The following PPA2 variants were observed in gnomAD, a reference collection of about 807,000 sequenced individuals.
The protein encoded by PPA2 is inorganic pyrophosphatase 2.
PPA2 carries 48 observed loss-of-function variants against 49.5 expected under a neutral mutation model. That is an observed-to-expected ratio of 0.97 (90% CI 0.77 to 1.23). The LOEUF is 1.23. Ranked by LOEUF, PPA2 falls within the 50% of genes most tolerant of loss-of-function variation. The pLI, the probability that PPA2 is intolerant of heterozygous loss-of-function variation, is 0.00. For synonymous variants in PPA2, 131 were observed against 139.9 expected (o/e 0.94, Z 0.45); for missense variants, 429 against 410.1 (o/e 1.05, Z -0.40).
intron 7 of PPA2, among the ~76,000 whole-genome samples, chr4:105,420,034 G>A (rs887933535): frequency 6.6e-6 from 1 of 151,578 alleles, no homozygotes; most frequent in Non-Finnish European, 1.5e-5. Flanking sequence ...GTGCAATGGC[G>A]TGTTCTTGGC....
Position 105,369,355 on chromosome 4 carries a change from G to GGCATGCAC in PPA2, c.*369_*370insGTGCATGC, listed in dbSNP as rs1732929442. On this transcript the variant is annotated 3_prime_UTR_variant, in exon 12 of 12. Coordinates refer to ENST00000341695, the MANE Select transcript of PPA2 (RefSeq NM_176869.3). ...TTCTTCTGCCTCAGCCTCCTGAGTA[G>GGCATGCAC]CTGGGTCTACAGGCATGCACCACCA... The GGCATGCAC allele has an allele frequency of 6.1e-6, 1 of 163,574 alleles. No individual in the cohort carries two copies. The allele number at this position is 163,574 out of a possible 1,614,324, so 10.1% of individuals were successfully genotyped here.
At chr4:105,408,296 A>C (rs1722580388) in intron 7 of PPA2, among the ~76,000 whole-genome samples, 1 of 152,354 alleles carries the variant, frequency 6.6e-6, no homozygotes, top group South Asian at 2.1e-4. Context: ...TGAAAAGCTC[A>C]GTGTGTTAAG....
intron 1 of PPA2, among the ~76,000 whole-genome samples, chr4:105,457,853 C>T (rs1016069914): frequency 2.6e-5 from 4 of 152,180 alleles, no homozygotes; most frequent in Non-Finnish European, 5.9e-5. Context: ...GTGTGAGCCA[C>T]TGCACCTGGC....
intron 6 of PPA2, among the ~76,000 whole-genome samples, chr4:105,430,495 C>T (rs914368350): frequency 1.3e-5 from 2 of 152,130 alleles, no homozygotes; most frequent in African/African-American, 4.8e-5. Flanking sequence ...GACTTAGACA[C>T]CCCAGGGCCG....
intron 1 of PPA2, among the ~76,000 whole-genome samples, chr4:105,466,785 G>C (rs907000940): frequency 2.0e-5 from 3 of 152,080 alleles, no homozygotes; most frequent in African/African-American, 7.2e-5. Flanking sequence ...TCTTCCCTTG[G>C]GGCAGGCTGT....
At chr4:105,429,110 T>G (rs1175944206) in intron 6 of PPA2, among the ~76,000 whole-genome samples, 1 of 152,216 alleles carries the variant, frequency 6.6e-6, no homozygotes, top group African/African-American at 2.4e-5. Context: ...TCATTTTTCT[T>G]CTTCCATCTA....
chr4:105,401,103 TAA>T (rs1351037616), intron 7 of PPA2, among the ~76,000 whole-genome samples: 1 of 152,158 alleles, frequency 6.6e-6, no homozygotes, highest in Admixed American at 6.5e-5. Context: ...TCTGAAATTA[TAA>T]AAAGTTCCAG....
At chr4:105,405,059 G>A (rs1722397690) in intron 7 of PPA2, 1 of 333,786 alleles carries the variant, frequency 3.0e-6, no homozygotes, top group African/African-American at 2.2e-5. Context: ...CTCCAGCCTG[G>A]GCGACAGAGT....
intron 10 of PPA2, among the ~76,000 whole-genome samples, chr4:105,386,128 A>T (rs2636725): frequency 6.6e-6 from 1 of 151,794 alleles, no homozygotes; most frequent in African/African-American, 2.4e-5. Flanking sequence ...TAATTCACTC[A>T]CCTTGGCCTC....
At chr4:105,416,132 T>C (rs1167467125) in intron 7 of PPA2, among the ~76,000 whole-genome samples, 3 of 152,238 alleles carry the variant, frequency 2.0e-5, no homozygotes, top group African/African-American at 7.2e-5. Context: ...TTTATCAAAC[T>C]ATATAAATTC....
chr4:105,381,834 G>A (rs549574433), intron 10 of PPA2, among the ~76,000 whole-genome samples: 3 of 151,942 alleles, frequency 2.0e-5, no homozygotes, highest in Admixed American at 6.5e-5. Flanking sequence ...AGTTGATCCT[G>A]TCATTATTTG....
chr4:105,407,521 A>AT (rs1722538842), intron 7 of PPA2, among the ~76,000 whole-genome samples: 1 of 91,882 alleles, frequency 1.1e-5, no homozygotes, highest in African/African-American at 4.5e-5. Context: ...ACATGTTCAC[A>AT]TGAAGACTTG....
Position 105,424,255 on chromosome 4 carries a change from T to G in PPA2, c.596A>C (p.Glu199Ala). ...GATAGCAATTAATTTCCAATCTGTT[T>G]CACCTTCATCAATAAGAGCCAAAAT... Reference protein sequence around the residue: ...LGILALIDEGETDWKLIAINA... With the variant: ...LGILALIDEGATDWKLIAINA... The change falls in exon 7 of 12, where the codon GAA becomes GCA. Residue 199 changes from glutamate (E) to alanine (A), a missense_variant. Physicochemically the swap from Glu to Ala is moderately radical, Grantham distance 107 (BLOSUM62 -1). Transcript: ENST00000341695. The G allele has an allele frequency of 6.2e-7, 1 of 1,608,816 alleles. No homozygotes were observed. The highest frequency in any genetic ancestry group is 2.2e-5 in the East Asian group (1 of 44,686).
chr4:105,413,383 G>A (rs926650293), intron 7 of PPA2, among the ~76,000 whole-genome samples: 1 of 152,070 alleles, frequency 6.6e-6, no homozygotes, highest in Non-Finnish European at 1.5e-5. Context: ...ACGAGTTGAT[G>A]GGTGCAGCAA....
intron 7 of PPA2, among the ~76,000 whole-genome samples, chr4:105,399,889 T>C (rs1050142905): frequency 6.6e-6 from 1 of 152,192 alleles, no homozygotes; most frequent in African/African-American, 2.4e-5. Flanking sequence ...AGTTTTAAAT[T>C]GCATACCATT....
At chr4:105,470,651 T>TA (rs1723485422) in intron 1 of PPA2, among the ~76,000 whole-genome samples, 1 of 152,246 alleles carries the variant, frequency 6.6e-6, no homozygotes, top group Non-Finnish European at 1.5e-5. Context: ...TCTAATGTCT[T>TA]AAAGTCAAAA....
At chr4:105,402,038 A>G (rs1048712553) in intron 7 of PPA2, among the ~76,000 whole-genome samples, 1 of 152,220 alleles carries the variant, frequency 6.6e-6, no homozygotes, top group Non-Finnish European at 1.5e-5. Flanking sequence ...TGAGTACAAA[A>G]AAGTGTTTGT....
intron 7 of PPA2, among the ~76,000 whole-genome samples, chr4:105,409,926 C>T (rs1482099295): frequency 1.3e-5 from 2 of 152,100 alleles, no homozygotes; most frequent in Admixed American, 1.3e-4. Context: ...CATCAAAGAC[C>T]AAAGGTAGAT....
chr4:105,393,491 T>C (rs1427295361), intron 9 of PPA2, among the ~76,000 whole-genome samples: 30 of 8,058 alleles, frequency 3.7e-3, no homozygotes, highest in African/African-American at 8.8e-3. Flanking sequence ...CTCAAAATAA[T>C]AATAATAATA....
Sources: gnomAD v4.1 joint callset for allele counts (sites outside exome capture counted in the v4.1 genomes callset) on GRCh38, gnomAD v4.1.1 for gene constraint, MANE v1.5 for transcripts, NCBI Gene and HGNC (gene_info 2026-07-23, HGNC 2026-07-21) for gene names.